The following NTN1 variants were observed in gnomAD, a reference collection of about 807,000 sequenced individuals.
The protein encoded by NTN1 is netrin 1, also known as netrin-1.
NTN1 carries 11 observed loss-of-function variants against 54.2 expected under a neutral mutation model. The ratio of observed to expected loss-of-function variants is 0.20; its 90% CI spans 0.13 to 0.34. The LOEUF (loss-of-function observed/expected upper bound fraction) is 0.34, where lower values mean the gene tolerates loss of function less well. Ranked by LOEUF, NTN1 falls within the 10% of genes least tolerant of loss-of-function variation. The pLI, the probability that NTN1 is intolerant of heterozygous loss-of-function variation, is 1.00. For synonymous variants in NTN1, 371 were observed against 382.0 expected, an observed-to-expected ratio of 0.97 and a Z score of 0.33; for missense variants, 740 against 893.1, an observed-to-expected ratio of 0.83 and a Z score of 2.18.
chr17:9,012,807 A>G, the NTN1 span, among the ~76,000 whole-genome samples: 41 of 152,226 alleles, frequency 2.7e-4, 1 homozygote, highest in Admixed American at 2.7e-3. Context: ...CTCAGCCACC[A>G]CAAGGATGTT....
chr17:9,163,283 G>T (rs1209133715), intron 3 of NTN1, among the ~76,000 whole-genome samples: 2 of 151,862 alleles, frequency 1.3e-5, no homozygotes. Context: ...CTACAAGGGT[G>T]CAGGGCTGCG....
upstream of NTN1, among the ~76,000 whole-genome samples, chr17:9,020,920 C>G (rs2091843969): frequency 6.6e-6 from 1 of 152,120 alleles, no homozygotes; most frequent in Non-Finnish European, 1.5e-5. Context: ...AGCAGCCCCT[C>G]CTCGCCGGAC....
chr17:9,051,128 G>A lies in NTN1; in HGVS notation c.1018+27737G>A, dbSNP rs11870633. 4.8e-3 allele frequency among the ~76,000 whole-genome samples: 733 copies of A among 152,256 alleles called. 6 individuals are homozygous for A. The highest frequency in any genetic ancestry group is 0.017 in the African/African-American group (695 of 41,544). ...TGGGGACCCTCGGGAAGGCAGCCTG[G>A]CCTGGGAGCTTTCTCACAGGCTCTC... On this transcript the variant is annotated intron_variant, in intron 2 of 6. Coordinates refer to ENST00000173229, the MANE Select transcript of NTN1 (RefSeq NM_004822.3).
At chr17:9,075,293 C>A (rs1165718917) in intron 2 of NTN1, among the ~76,000 whole-genome samples, 2 of 152,072 alleles carry the variant, frequency 1.3e-5, no homozygotes, top group African/African-American at 4.8e-5. Flanking sequence ...CTAGCCTGGC[C>A]AACATGGTGA....
chr17:9,186,219 A>G (rs1237298272), intron 5 of NTN1, among the ~76,000 whole-genome samples: 1 of 152,168 alleles, frequency 6.6e-6, no homozygotes, highest in African/African-American at 2.4e-5. Flanking sequence ...TGGCTACCCA[A>G]TGAGATGTCA....
intron 6 of NTN1, among the ~76,000 whole-genome samples, chr17:9,233,752 C>T (rs924289826): frequency 6.6e-6 from 1 of 151,934 alleles, no homozygotes. Flanking sequence ...GTTGAGGTAC[C>T]CCAGGAAGGA....
At chr17:9,007,526 TTCCC>T in the NTN1 span, among the ~76,000 whole-genome samples, 8 of 150,734 alleles carry the variant, frequency 5.3e-5, no homozygotes, top group Admixed American at 1.3e-4. Flanking sequence ...TCTTTCTTCC[TTCCC>T]TCCCTCCCTT....
chr17:9,056,142 C>T (rs374660638), intron 2 of NTN1, among the ~76,000 whole-genome samples: 10 of 152,112 alleles, frequency 6.6e-5, no homozygotes, highest in African/African-American at 1.4e-4. Flanking sequence ...CTGCAACCTC[C>T]GCCTCCCGGG....
Position 9,042,356 on chromosome 17 carries a change from G to A in NTN1, c.1018+18965G>A, listed in dbSNP as rs576308874. Among the ~76,000 whole-genome samples, 11 of 151,954 alleles carry A rather than the reference G, an allele frequency of 7.2e-5. No homozygotes were observed. In the East Asian group the frequency reaches 7.8e-4, roughly 11 times the overall value. ...AGATTTGAGCTGGGTGTGATGGCGCGCCTCTCTAGTCTCAGTTCTCGAGAG... is the reference window on the plus strand; with the variant it reads ...AGATTTGAGCTGGGTGTGATGGCGCACCTCTCTAGTCTCAGTTCTCGAGAG... On this transcript the variant is annotated intron_variant, in intron 2 of 6. Coordinates refer to ENST00000173229, the MANE Select transcript of NTN1 (RefSeq NM_004822.3).
chr17:9,003,132 G>A, the NTN1 span, among the ~76,000 whole-genome samples: 4 of 152,150 alleles, frequency 2.6e-5, no homozygotes, highest in African/African-American at 9.6e-5. The surrounding 1 kb of genome is among the most constrained non-coding windows in gnomAD (Gnocchi z 7.4). Context: ...GCTGCCGCCG[G>A]CGCCTCGGGG....
chr17:9,197,775 G>GCCTC (rs34324930), intron 5 of NTN1, among the ~76,000 whole-genome samples: 102,960 of 151,658 alleles, frequency 0.68, 36,295 homozygotes, highest in East Asian at 0.85. Flanking sequence ...GCATCTACCA[G>GCCTC]CCTCCCTCTT....
chr17:9,091,316 G>T (rs2092109739), intron 2 of NTN1, among the ~76,000 whole-genome samples: 1 of 152,072 alleles, frequency 6.6e-6, no homozygotes, highest in African/African-American at 2.4e-5. Flanking sequence ...TGTAGTGGTA[G>T]GATCATAGCT....
intron 2 of NTN1, among the ~76,000 whole-genome samples, chr17:9,068,512 A>ATTT (rs34047213): frequency 1.5e-3 from 207 of 141,218 alleles, no homozygotes; most frequent in African/African-American, 4.5e-3. Flanking sequence ...GTATGTGTGA[A>ATTT]TTTTTTTTTT....
intron 2 of NTN1, among the ~76,000 whole-genome samples, chr17:9,067,336 A>G (rs2092018607): frequency 6.6e-6 from 1 of 152,110 alleles, no homozygotes; most frequent in Non-Finnish European, 1.5e-5. Context: ...TATTAAATAC[A>G]GCTTCAAGTG....
In NTN1 at chr17:9,123,601, G is replaced by A. The variant is rs1363299400; in HGVS notation, c.1019-39212G>A. ...TACATTTTCTTCCAGTAATCTTTAC[G>A]GTTTCACTTTTTACATGTACATATC... is the stretch of plus-strand genomic sequence containing the variant. On this transcript the variant is annotated intron_variant, in intron 2 of 6. Coordinates refer to ENST00000173229, the MANE Select transcript of NTN1 (RefSeq NM_004822.3). 3.9e-5 allele frequency among the ~76,000 whole-genome samples: 6 copies of A among 151,910 alleles called. No individual in the cohort carries two copies. In the East Asian group the frequency reaches 9.7e-4, roughly 24 times the overall value.
rs142979555 is a variant in NTN1, at chr17:9,104,851, C to A, written c.1019-57962C>A. On this transcript the variant is annotated intron_variant, in intron 2 of 6. Coordinates refer to ENST00000173229, the MANE Select transcript of NTN1 (RefSeq NM_004822.3). ...TTATTCTAGGGAGTGCGAGGTTGGC[C>A]ACAGTCCTGACCTGACAGCCAGGGA... Among the ~76,000 whole-genome samples the A allele has an allele frequency of 1.7e-3, 261 of 152,304 alleles. 2 individuals are homozygous for A. The highest frequency in any genetic ancestry group is 6.1e-3 in the African/African-American group (254 of 41,572).
rs556290008 is a variant in NTN1, at chr17:9,154,517, C to T, written c.1019-8296C>T. On this transcript the variant is annotated intron_variant, in intron 2 of 6. Coordinates refer to ENST00000173229, the MANE Select transcript of NTN1 (RefSeq NM_004822.3). ...AGAAATTCTTGGGCCAGTCCTGCCT[C>T]GGCCCCTTTCCCAAAAGGAGCCCTT... 7.9e-5 allele frequency among the ~76,000 whole-genome samples: 12 copies of T among 152,292 alleles called. No individual in the cohort carries two copies. The South Asian group carries it at 2.1e-3, about 26-fold the overall frequency.
chr17:9,007,483 ATTC>A, the NTN1 span, among the ~76,000 whole-genome samples: 1 of 85,828 alleles, frequency 1.2e-5, no homozygotes, highest in African/African-American at 4.7e-5. Context: ...TCATTCATTC[ATTC>A]TTTCTTTCTC....
At chr17:9,199,437 C>T (rs554980966) in intron 5 of NTN1, among the ~76,000 whole-genome samples, 3 of 152,366 alleles carry the variant, frequency 2.0e-5, no homozygotes, top group Admixed American at 6.5e-5. Context: ...CCATTGCACC[C>T]GGCCCTGCTA....
Sources: gnomAD v4.1 joint callset for allele counts (sites outside exome capture counted in the v4.1 genomes callset) on GRCh38, gnomAD v4.1.1 for gene constraint, Gnocchi (gnomAD v3.1) non-coding constraint, MANE v1.5 for transcripts, NCBI Gene and HGNC (gene_info 2026-07-23, HGNC 2026-07-21) for gene names.